Variants in VWA5B1 observed in about 807,000 individuals in gnomAD.
VWA5B1 encodes von Willebrand factor A domain containing 5B1.
In VWA5B1, 115 loss-of-function variants were observed where a neutral mutation model predicts 118.2. The ratio of observed to expected loss-of-function variants is 0.97; its 90% CI spans 0.84 to 1.14. The LOEUF is 1.14. Ranked by LOEUF, VWA5B1 falls within the 50% of genes most tolerant of loss-of-function variation. The probability of loss-of-function intolerance (pLI) is 0.00; values close to 1 mark genes in which losing one functional copy is unlikely to be tolerated. For synonymous variants in VWA5B1, 682 were observed against 658.4 expected (o/e 1.04, Z -0.55); for missense variants, 1,596 against 1,603.8 (o/e 1.00, Z 0.08).
At chr1:20,313,111 A>G in intron 3 of VWA5B1, 123 bp downstream of exon 3, 1 of 1,304,804 alleles carries the variant, frequency 7.7e-7, no homozygotes, top group Non-Finnish European at 1.0e-6. Context: ...GCACTGAACT[A>G]GTCAAGAATC....
chr1:20,322,173 GT>G (rs913386714), intron 7 of VWA5B1, among the ~76,000 whole-genome samples: 8 of 152,242 alleles, frequency 5.3e-5, no homozygotes, highest in Non-Finnish European at 1.2e-4. Context: ...AATGCGTGGA[GT>G]GAGGAAAAGA....
intron 1 of VWA5B1, among the ~76,000 whole-genome samples, chr1:20,298,306 C>G (rs552051976): frequency 6.6e-6 from 1 of 152,214 alleles, no homozygotes; most frequent in African/African-American, 2.4e-5. Context: ...CCTGCCCAGT[C>G]TCAGTGGTGA....
rs920154902 is a variant in VWA5B1, at chr1:20,350,976, G to A, written c.3023+50G>A. ...ACACTCTCCTGCCACCCATTTTCCTGGGGTGGTCCCTGGGGTTTTCCCTGA... is the reference window on the plus strand; with the variant it reads ...ACACTCTCCTGCCACCCATTTTCCTAGGGTGGTCCCTGGGGTTTTCCCTGA... On this transcript the variant is annotated intron_variant, in intron 20 of 21. Coordinates refer to ENST00000289815, the MANE Select transcript of VWA5B1 (RefSeq NM_001039500.3). 4.6e-6 allele frequency: 7 copies of A among 1,527,202 alleles called. No homozygotes were observed. In the African/African-American group the frequency reaches 8.3e-5, roughly 18 times the overall value. 94.6% of individuals were successfully genotyped at this position (1,527,202 alleles called of 1,614,324 possible).
intron 1 of VWA5B1, among the ~76,000 whole-genome samples, chr1:20,309,426 G>A (rs1275074138): frequency 1.3e-5 from 2 of 152,212 alleles, no homozygotes; most frequent in Admixed American, 1.3e-4. Context: ...CATGAAGGAT[G>A]AGTAGGGGGT....
chr1:20,319,330 C>G (rs1176075534), intron 6 of VWA5B1, 52 bp from the exon 7 acceptor site: 2 of 1,544,412 alleles, frequency 1.3e-6, no homozygotes, highest in East Asian at 2.5e-5. Context: ...CCCCCAGCAT[C>G]CTTCTCCTAC....
chr1:20,318,624 C>A lies in VWA5B1; in HGVS notation c.744C>A (p.Asp248Glu), dbSNP rs184693835. 601 of 1,551,210 alleles carry A rather than the reference C, an allele frequency of 3.9e-4. 7 individuals carry two copies. In the African/African-American group the frequency reaches 7.5e-3, roughly 19 times the overall value. Residue 248 changes from aspartate (D) to glutamate (E), a missense_variant, in exon 6 of 22, where the codon GAC becomes GAA. Transcript: ENST00000289815. ...GTCCCACTCATGAGATTCGTGCCGACGCCGCCCCATCTGCCCGCTCGGCCA... is the reference window on the plus strand; with the variant it reads ...GTCCCACTCATGAGATTCGTGCCGAAGCCGCCCCATCTGCCCGCTCGGCCA... ...VESPTHEIRA[D>E]AAPSARSAKS...
rs2090249394 is a variant in VWA5B1, at chr1:20,357,443, G to A, written c.*3180G>A. Among the ~76,000 whole-genome samples, 2 of 152,232 alleles carry A rather than the reference G, an allele frequency of 1.3e-5. No individual in the cohort carries two copies. Among genetic ancestry groups the A allele is most frequent in the Admixed American group, 1.3e-4 (2 of 15,276 alleles). Reference sequence around the variant, plus strand: ...TTAGGACAACCTGACCCGTTAATATGTTACTGTGCGTTGTCAGGCTCCGAG... The same window carrying A: ...TTAGGACAACCTGACCCGTTAATATATTACTGTGCGTTGTCAGGCTCCGAG... On this transcript the variant is annotated 3_prime_UTR_variant, in exon 22 of 22. Coordinates refer to ENST00000289815, the MANE Select transcript of VWA5B1 (RefSeq NM_001039500.3).
At chr1:20,318,450 T>C (rs1466653397) in intron 5 of VWA5B1, 140 bp from the exon 6 acceptor site, 1 of 1,229,400 alleles carries the variant, frequency 8.1e-7, no homozygotes, top group South Asian at 1.3e-5. Flanking sequence ...AGCCTGGCCA[T>C]GGTCACACTG....
intron 8 of VWA5B1, among the ~76,000 whole-genome samples, chr1:20,324,971 C>T (rs189275912): frequency 8.2e-4 from 125 of 152,300 alleles, no homozygotes; most frequent in African/African-American, 2.8e-3. Flanking sequence ...ATCTGTATCC[C>T]GTTCCGCATC....
intron 1 of VWA5B1, among the ~76,000 whole-genome samples, chr1:20,308,034 C>T (rs531917332): frequency 1.6e-4 from 24 of 152,250 alleles, no homozygotes; most frequent in African/African-American, 5.5e-4. Context: ...CACTCCTTCC[C>T]TCCCCGACCA....
chr1:20,324,240 G>C (rs2089307919), intron 8 of VWA5B1, among the ~76,000 whole-genome samples: 1 of 152,240 alleles, frequency 6.6e-6, no homozygotes, highest in Non-Finnish European at 1.5e-5. Flanking sequence ...AGTCAAGAGA[G>C]AGGCACAGGC....
Position 20,318,702 on chromosome 1 carries a change from G to T in VWA5B1, c.822G>T (p.Glu274Asp). 6.6e-7 allele frequency: 1 copy of T among 1,516,142 alleles called. No homozygotes were observed. Among genetic ancestry groups the T allele is most frequent in the South Asian group, 1.3e-5 (1 of 77,998 alleles). 93.9% of individuals were successfully genotyped at this position (1,516,142 alleles called of 1,614,324 possible). Residue 274 changes from glutamate to aspartate, a missense_variant, in exon 6 of 22, where the codon GAG (glutamate) becomes GAT (aspartate). Coordinates refer to ENST00000289815, the MANE Select transcript of VWA5B1 (RefSeq NM_001039500.3). Reference protein sequence around the residue: ...ANKHTFDRPVEILIHPSEPHM... With the variant: ...ANKHTFDRPVDILIHPSEPHM... Reference sequence around the variant, plus strand: ...AGCACACCTTTGACCGGCCTGTGGAGATCCTCATCCACCCCAGCGGTACGG... The same window carrying T: ...AGCACACCTTTGACCGGCCTGTGGATATCCTCATCCACCCCAGCGGTACGG...
At chr1:20,307,408 A>G (rs189962494) in intron 1 of VWA5B1, among the ~76,000 whole-genome samples, 130 of 152,306 alleles carry the variant, frequency 8.5e-4, no homozygotes, top group Non-Finnish European at 1.5e-3. Context: ...AGAAAGTCCT[A>G]CACGCACACC....
chr1:20,332,544 T>C (rs2089597711), intron 11 of VWA5B1, among the ~76,000 whole-genome samples: 1 of 141,798 alleles, frequency 7.1e-6, no homozygotes, highest in African/African-American at 2.7e-5. Flanking sequence ...TAAAATAAAA[T>C]AAAATGCTAA....
chr1:20,307,945 G>A (rs1009300432), intron 1 of VWA5B1, among the ~76,000 whole-genome samples: 6 of 151,896 alleles, frequency 4.0e-5, no homozygotes, highest in African/African-American at 1.5e-4. Flanking sequence ...TTGCATGATG[G>A]TGAGTTTTGG....
At chr1:20,310,017 C>T (rs780221232) in intron 1 of VWA5B1, among the ~76,000 whole-genome samples, 1 of 150,502 alleles carries the variant, frequency 6.6e-6, no homozygotes, top group Non-Finnish European at 1.5e-5. Flanking sequence ...CAGGTTTTGG[C>T]CTCTACACCT....
rs760457209 is a variant in VWA5B1 at position 20,312,844 on chromosome 1, G to A, written c.148G>A (p.Val50Met). 1.8e-5 allele frequency: 28 copies of A among 1,549,852 alleles called. No homozygotes were observed. Among genetic ancestry groups the A allele is most frequent in the Middle Eastern group, 1.7e-4 (1 of 5,990 alleles). Reference sequence around the variant, plus strand: ...GGGCCCTGCTCCGACAGGCCTCTTCGTGTACCCCCTGGATGAGTGCACCAC... The same window carrying A: ...GGGCCCTGCTCCGACAGGCCTCTTCATGTACCCCCTGGATGAGTGCACCAC... ...LEAQPFQGLF[V>M]YPLDECTTVI... is the part of the protein sequence containing the mutation. The change falls in exon 3 of 22, where the codon GTG becomes ATG. Residue 50 changes from valine (V) to methionine (M), a missense_variant. By Grantham distance (21) the Val-to-Met change is conservative (BLOSUM62 1). Transcript: ENST00000289815.
rs767054970 is a variant in VWA5B1, at chr1:20,353,887, C to T, written c.3272C>T (p.Pro1091Leu). ...TCHRVSLTTR[P>L]SESKTPSPQL... ...CATCGAGTGTCCCTCACCACCCGCC[C>T]GTCTGAGTCCAAGACCCCGAGTCCC... The change falls in exon 22 of 22, where the codon CCG (proline) becomes CTG (leucine). Residue 1091 changes from proline (P) to leucine (L), a missense_variant. By Grantham distance (98) the Pro-to-Leu change is moderately conservative (BLOSUM62 -3). Transcript: ENST00000289815. 15 of 1,546,866 alleles carry T rather than the reference C, an allele frequency of 9.7e-6. No homozygotes were observed. Among genetic ancestry groups the T allele is most frequent in the African/African-American group, 2.7e-5 (2 of 73,012 alleles).
At position 20,343,356 on chromosome 1, in the gene VWA5B1, C is replaced by T; in HGVS notation, c.2589C>T (p.Phe863=). 6.5e-7 allele frequency: 1 copy of T among 1,539,590 alleles called. No homozygotes were observed. The highest frequency in any genetic ancestry group is 8.7e-7 in the Non-Finnish European group (1 of 1,144,308). ...HLAARAIIRD[F]EQLAEREGEI... ...CGGCCCGCGCCATCATCCGCGACTT[C>T]GAGCAGCTGGCGGAGCGCGAGGGCG... Residue 863 remains phenylalanine (F), a synonymous_variant, in exon 16 of 22, where the codon TTC becomes TTT. Transcript: ENST00000289815.
Sources: allele counts gnomAD v4.1 joint callset (sites outside exome capture counted in the v4.1 genomes callset), GRCh38; gene constraint gnomAD v4.1.1; transcripts MANE v1.5; gene names NCBI Gene and HGNC (gene_info 2026-07-23, HGNC 2026-07-21).